The following CAPZB variants were observed in gnomAD, a reference collection of about 807,000 sequenced individuals.
CAPZB encodes the protein capping actin protein of muscle Z-line subunit beta.
Under a neutral mutation model 38.1 loss-of-function variants are expected in CAPZB, and 2 were observed. That is an observed-to-expected ratio of 0.05 (90% CI 0.02 to 0.17). The LOEUF (loss-of-function observed/expected upper bound fraction) is 0.17. Ranked by LOEUF, CAPZB falls within the 10% of genes least tolerant of loss-of-function variation. The probability of loss-of-function intolerance (pLI) is 1.00; values close to 1 mark genes in which losing one functional copy is unlikely to be tolerated. For missense variants in CAPZB, 161 were observed against 334.2 expected (o/e 0.48, Z 4.04); for synonymous variants, 107 against 127.4 (o/e 0.84, Z 1.08).
Position 19,339,031 on chromosome 1 carries a change from C to T in CAPZB, c.*499G>A, listed in dbSNP as rs998262307. ...GTCTGCGCAGGACGGCACCGAGGGC[C>T]ACCTCTGCTCCCAGAGCTGTCCCCT... On this transcript the variant is annotated 3_prime_UTR_variant, in exon 9 of 9. Coordinates refer to ENST00000264202, the MANE Select transcript of CAPZB (RefSeq NM_004930.5). 3.1e-5 allele frequency: 5 copies of T among 162,410 alleles called. No homozygotes were observed. The highest frequency in any genetic ancestry group is 2.9e-3 in the Middle Eastern group (1 of 342). 10.1% of individuals were successfully genotyped at this position (162,410 alleles called of 1,614,324 possible).
chr1:19,481,309 C>T (rs1476438920), intron 1 of CAPZB, among the ~76,000 whole-genome samples: 1 of 152,204 alleles, frequency 6.6e-6, no homozygotes, highest in Non-Finnish European at 1.5e-5. Context: ...CTTGCAGTTG[C>T]ATCCCCTGGA....
chr1:19,426,443 C>G (rs1479904069), intron 1 of CAPZB, among the ~76,000 whole-genome samples: 5 of 148,136 alleles, frequency 3.4e-5, no homozygotes, highest in African/African-American at 1.0e-4. Flanking sequence ...TGTGGTGGGG[C>G]GGGGGGGGGC....
chr1:19,380,207 G>A (rs551221451), intron 3 of CAPZB, among the ~76,000 whole-genome samples: 24 of 152,322 alleles, frequency 1.6e-4, no homozygotes, highest in African/African-American at 5.5e-4. Context: ...CAAACGGTAT[G>A]TAGGGGAAGA....
In CAPZB at chr1:19,378,858, G is replaced by A. The variant is rs1290237362; in HGVS notation, c.216-205C>T. 2.7e-4 allele frequency among the ~76,000 whole-genome samples: 41 copies of A among 152,132 alleles called. 2 individuals carry two copies. The highest frequency in any genetic ancestry group is 2.6e-3 in the Admixed American group (40 of 15,278). Reference sequence around the variant, plus strand: ...CTGATGCGGGCAGACTGGGGCACACGCCCGTGCTCCACCTCTCACTGGCTG... The same window carrying A: ...CTGATGCGGGCAGACTGGGGCACACACCCGTGCTCCACCTCTCACTGGCTG... On this transcript the variant is annotated intron_variant, in intron 3 of 8. Transcript: ENST00000264202.
At chr1:19,364,242 C>T (rs1420422422) in intron 4 of CAPZB, among the ~76,000 whole-genome samples, 1 of 152,170 alleles carries the variant, frequency 6.6e-6, no homozygotes, top group Non-Finnish European at 1.5e-5. Flanking sequence ...GGATCAGAGG[C>T]CAGCGTAGAG....
At chr1:19,368,179 T>C (rs1162945746) in intron 4 of CAPZB, among the ~76,000 whole-genome samples, 1 of 152,118 alleles carries the variant, frequency 6.6e-6, no homozygotes, top group Non-Finnish European at 1.5e-5. Flanking sequence ...TGGGAGTAGA[T>C]GTCAGGCTTG....
At chr1:19,435,601 T>A (rs1570261749) in intron 1 of CAPZB, among the ~76,000 whole-genome samples, 1 of 152,338 alleles carries the variant, frequency 6.6e-6, no homozygotes, top group East Asian at 1.9e-4. Flanking sequence ...ATTAAGCCAT[T>A]CTTCTAAGTG....
chr1:19,423,498 C>T (rs984956142), intron 1 of CAPZB, among the ~76,000 whole-genome samples: 7 of 144,608 alleles, frequency 4.8e-5, no homozygotes, highest in Non-Finnish European at 9.0e-5. Context: ...AGCTCAATAA[C>T]AAGCAATAGT....
intron 4 of CAPZB, among the ~76,000 whole-genome samples, chr1:19,359,337 G>C (rs1243926462): frequency 1.3e-5 from 2 of 149,488 alleles, no homozygotes; most frequent in Non-Finnish European, 2.9e-5. Context: ...ACCAGACCAA[G>C]AAAGCAAGGC....
At chr1:19,444,514 C>A (rs147972581) in intron 1 of CAPZB, among the ~76,000 whole-genome samples, 35 of 152,318 alleles carry the variant, frequency 2.3e-4, no homozygotes, top group African/African-American at 7.2e-4. Context: ...GCGTGCCTAG[C>A]CCCATCTAGA....
intron 1 of CAPZB, among the ~76,000 whole-genome samples, chr1:19,431,248 A>G (rs967873000): frequency 1.3e-5 from 2 of 152,274 alleles, no homozygotes; most frequent in African/African-American, 2.4e-5. Context: ...TCCAACGAGC[A>G]TATCAGACTT....
At position 19,423,752 on chromosome 1, in the gene CAPZB, A is replaced by C. The variant is rs150224550; in HGVS notation, c.4-4002T>G. On this transcript the variant is annotated intron_variant, in intron 1 of 8. Coordinates refer to ENST00000264202, the MANE Select transcript of CAPZB (RefSeq NM_004930.5). ...ACCCAGGCTGGAGTATAGTAGCACAATGTCGGCTCACTGTAGCCTCCACCT... is the reference window on the plus strand; with the variant it reads ...ACCCAGGCTGGAGTATAGTAGCACACTGTCGGCTCACTGTAGCCTCCACCT... 4.6e-5 allele frequency among the ~76,000 whole-genome samples: 7 copies of C among 151,762 alleles called. No homozygotes were observed. The East Asian group carries it at 1.4e-3, about 30-fold the overall frequency.
chr1:19,342,927 C>T (rs2093939788), intron 8 of CAPZB: 1 of 970,828 alleles, frequency 1.0e-6, no homozygotes, highest in Non-Finnish European at 1.7e-6. Flanking sequence ...GCCAGGAACG[C>T]AGGGGGCCAC....
intron 8 of CAPZB, among the ~76,000 whole-genome samples, chr1:19,340,760 G>GC (rs140232068): frequency 0.012 from 1,822 of 152,270 alleles, 21 homozygotes; most frequent in Middle Eastern, 0.024. Context: ...TCAGAGGAAT[G>GC]CCCCCCTAGC....
chr1:19,449,309 C>T (rs148385304), intron 1 of CAPZB: 9 of 1,032,132 alleles, frequency 8.7e-6, no homozygotes, highest in African/African-American at 6.7e-5. Flanking sequence ...TGGCGAGATG[C>T]GAGTCACGGT....
At chr1:19,465,206 C>T (rs1244579893) in intron 1 of CAPZB, among the ~76,000 whole-genome samples, 1 of 152,104 alleles carries the variant, frequency 6.6e-6, no homozygotes, top group Non-Finnish European at 1.5e-5. Context: ...AACATAATCC[C>T]CAATGCCAGA....
At chr1:19,425,343 A>C (rs1183793511) in intron 1 of CAPZB, among the ~76,000 whole-genome samples, 4 of 152,210 alleles carry the variant, frequency 2.6e-5, no homozygotes. Context: ...TCTGATCATT[A>C]TGTGAGTGTT....
intron 1 of CAPZB, among the ~76,000 whole-genome samples, chr1:19,437,603 T>C (rs1391483259): frequency 2.0e-5 from 3 of 151,992 alleles, no homozygotes; most frequent in Non-Finnish European, 2.9e-5. Flanking sequence ...GGAAAAGCAA[T>C]CAGGAACAGA....
At chr1:19,432,671 T>G (rs1266215334) in intron 1 of CAPZB, among the ~76,000 whole-genome samples, 1 of 152,210 alleles carries the variant, frequency 6.6e-6, no homozygotes, top group Non-Finnish European at 1.5e-5. Context: ...GGCTCTTGGG[T>G]ACCCCAGTTT....
Sources: allele counts gnomAD v4.1 joint callset (sites outside exome capture counted in the v4.1 genomes callset), GRCh38; gene constraint gnomAD v4.1.1; transcripts MANE v1.5; gene names NCBI Gene and HGNC (gene_info 2026-07-23, HGNC 2026-07-21).